The following MID1 variants were observed in gnomAD, a reference collection of about 807,000 sequenced individuals.
The protein encoded by MID1 is E3 ubiquitin-protein ligase Midline-1.
MID1 carries 7 observed loss-of-function variants against 40.4 expected under a neutral mutation model. That is an observed-to-expected ratio of 0.17 (90% CI 0.10 to 0.33). The LOEUF is 0.33. Among genes scored for constraint, MID1 ranks in the 10% least tolerant of loss-of-function variants. MID1 has a pLI of 1.00. For synonymous variants in MID1, 229 were observed against 221.2 expected (o/e 1.04, Z -0.31); for missense variants, 367 against 558.5 (o/e 0.66, Z 3.46).
chrX:10,816,438 C>T (rs1319433113), intron 1 of MID1, among the ~76,000 whole-genome samples: 1 of 111,961 alleles, frequency 8.9e-6, no homozygotes, highest in East Asian at 2.8e-4. Context: ...GTCTCCATAG[C>T]CTAATAAATA....
At chrX:10,810,941 C>A (rs183922974) in intron 1 of MID1, among the ~76,000 whole-genome samples, 22 of 110,883 alleles carry the variant, frequency 2.0e-4, no homozygotes, top group Non-Finnish European at 5.7e-5. Context: ...ATGCCCCTCT[C>A]TACAATTCCC....
At chrX:10,789,596 G>A (rs1369339026) in intron 1 of MID1, among the ~76,000 whole-genome samples, 1 of 112,478 alleles carries the variant, frequency 8.9e-6, no homozygotes, top group Non-Finnish European at 1.9e-5. Flanking sequence ...TACAGCCTAG[G>A]TGTGTAGCAG....
intron 1 of MID1, among the ~76,000 whole-genome samples, chrX:10,758,483 CTTT>C (rs1157401550): frequency 1.6e-4 from 10 of 63,872 alleles, no homozygotes; most frequent in African/African-American, 7.1e-4. Context: ...CTTTTCTTTC[CTTT>C]TTTTTTTTTT....
chrX:10,823,718 T>C (rs1217237154), intron 1 of MID1, among the ~76,000 whole-genome samples: 2 of 110,639 alleles, frequency 1.8e-5, no homozygotes, highest in African/African-American at 3.3e-5. Context: ...TTATCATTGA[T>C]AGTGACCCCA....
intron 1 of MID1, among the ~76,000 whole-genome samples, chrX:10,821,583 T>C (rs1438386115): frequency 8.9e-6 from 1 of 112,376 alleles, no homozygotes; most frequent in Non-Finnish European, 1.9e-5. Flanking sequence ...TTCACTTTTG[T>C]GCTGTTTGCT....
chrX:10,653,144 C>A (rs902278961), intron 1 of MID1, among the ~76,000 whole-genome samples: 1 of 112,202 alleles, frequency 8.9e-6, no homozygotes, highest in Non-Finnish European at 1.9e-5. Flanking sequence ...GGCACAGATG[C>A]TTTACTGTCC....
chrX:10,641,175 T>C (rs746305063), intron 1 of MID1, among the ~76,000 whole-genome samples: 1 of 111,355 alleles, frequency 9.0e-6, no homozygotes, highest in East Asian at 2.8e-4. Flanking sequence ...AGAGCAGAAC[T>C]GAAGAACTAA....
chrX:10,783,910 A>T (rs2043863227), intron 1 of MID1, among the ~76,000 whole-genome samples: 1 of 110,772 alleles, frequency 9.0e-6, no homozygotes, highest in Non-Finnish European at 1.9e-5. Flanking sequence ...TGGCACTCCT[A>T]TTGGCAGAAA....
chrX:10,715,663 T>G (rs920698508), intron 1 of MID1, among the ~76,000 whole-genome samples: 17 of 111,925 alleles, frequency 1.5e-4, no homozygotes, highest in African/African-American at 5.5e-4. Context: ...TCTGCAGACT[T>G]AAATGTCCCT....
intron 1 of MID1, among the ~76,000 whole-genome samples, chrX:10,747,217 C>A (rs1355206558): frequency 8.9e-6 from 1 of 111,954 alleles, no homozygotes; most frequent in Admixed American, 9.5e-5. Context: ...GAAGAGCAGT[C>A]TGAGGCCATC....
intron 1 of MID1, among the ~76,000 whole-genome samples, chrX:10,799,247 C>T (rs1042271687): frequency 2.7e-5 from 3 of 111,319 alleles, no homozygotes; most frequent in Non-Finnish European, 5.6e-5. Flanking sequence ...GTCCTTTTTC[C>T]GTTTTTTTCA....
chrX:10,580,888 G>A (rs2073487448), intron 1 of MID1, among the ~76,000 whole-genome samples: 1 of 95,810 alleles, frequency 1.0e-5, no homozygotes, highest in Non-Finnish European at 2.0e-5. Context: ...GTGCCCAAGT[G>A]TTCTTGGTCT....
At position 10,501,436 on chromosome X, in the gene MID1, C is replaced by T. The variant is rs111428432; in HGVS notation, c.757-5745G>A. On this transcript the variant is annotated intron_variant, in intron 3 of 9. Transcript: ENST00000317552. ...TCTACATCTAGAGTCAGTTTTCTTT[C>T]GCGTCTTGAAATGCATCTTCTCCCC... 0.012 allele frequency: 14,118 copies of T among 1,153,689 alleles called. 80 individuals carry two copies. The highest frequency in any genetic ancestry group is 0.015 in the Non-Finnish European group (13,269 of 872,407).
At chrX:10,636,785 G>GATATATATATGTATATAT (rs1936118522) in intron 1 of MID1, among the ~76,000 whole-genome samples, 2 of 42,719 alleles carry the variant, frequency 4.7e-5, no homozygotes, top group African/African-American at 2.4e-4. Flanking sequence ...CAACAATGGG[G>GATATATATATGTATATAT]ATATATATAT....
chrX:10,454,093 CAAGGTTAACTTTGT>C (rs1191341812), intron 9 of MID1, among the ~76,000 whole-genome samples: 6 of 112,309 alleles, frequency 5.3e-5, no homozygotes, highest in Non-Finnish European at 9.4e-5. Flanking sequence ...GTGGATTAGG[CAAGGTTAACTTTGT>C]GAGGTTAACT....
intron 1 of MID1, among the ~76,000 whole-genome samples, chrX:10,603,290 A>G (rs757074461): frequency 1.8e-5 from 2 of 112,108 alleles, no homozygotes; most frequent in East Asian, 5.6e-4. Flanking sequence ...CACTTTGGTC[A>G]TTCATGACTT....
At chrX:10,473,793 C>T (rs1416267189) in intron 6 of MID1, among the ~76,000 whole-genome samples, 1 of 112,478 alleles carries the variant, frequency 8.9e-6, no homozygotes, top group African/African-American at 3.2e-5. Flanking sequence ...GTTGTCTAAA[C>T]AGTCCAGGTT....
rs1391446716 is a variant in MID1 at position 10,496,117 on chromosome X, A to G, written c.757-426T>C. Among the ~76,000 whole-genome samples the G allele has an allele frequency of 4.4e-5, 5 of 112,613 alleles. No homozygotes were observed. The Admixed American group carries it at 4.7e-4, about 11-fold the overall frequency. On this transcript the variant is annotated intron_variant, in intron 3 of 9. Transcript: ENST00000317552. ...CTTTTATGGAGGACAGATTACTATC[A>G]ATCTCTTTTAGACAAATTTTCCGTA...
intron 1 of MID1, among the ~76,000 whole-genome samples, chrX:10,722,637 G>A (rs966164263): frequency 4.5e-5 from 5 of 111,850 alleles, no homozygotes; most frequent in Non-Finnish European, 9.4e-5. Context: ...GTGTGTTTAT[G>A]ATATCAGCAG....
Sources: allele counts gnomAD v4.1 joint callset (sites outside exome capture counted in the v4.1 genomes callset), GRCh38; gene constraint gnomAD v4.1.1; transcripts MANE v1.5; gene names NCBI Gene and HGNC (gene_info 2026-07-23, HGNC 2026-07-21).